The following SSUH2 variants were observed in gnomAD, a reference collection of about 807,000 sequenced individuals.
SSUH2 encodes the protein ssu-2 homolog, also known as protein SSUH2 homolog.
In SSUH2, 47 loss-of-function variants were observed where a neutral mutation model predicts 55.3. The ratio of observed to expected loss-of-function variants is 0.85; its 90% CI spans 0.67 to 1.08. SSUH2 has a LOEUF of 1.08. Ranked by LOEUF, SSUH2 falls within the 50% of genes least tolerant of loss-of-function variation. The probability of loss-of-function intolerance (pLI) is 0.00; values close to 1 mark genes in which losing one functional copy is unlikely to be tolerated. For synonymous variants in SSUH2, 212 were observed against 191.5 expected (o/e 1.11, Z -0.89); for missense variants, 535 against 490.7 (o/e 1.09, Z -0.85).
intron 1 of SSUH2, among the ~76,000 whole-genome samples, chr3:8,681,172 T>C (rs1157888638): frequency 6.4e-5 from 6 of 93,098 alleles, no homozygotes; most frequent in Non-Finnish European, 4.5e-5. Flanking sequence ...GGGGGGGGAG[T>C]CACCCCATGC....
chr3:8,637,349 C>CAT (rs1437744701), intron 1 of SSUH2, among the ~76,000 whole-genome samples: 1 of 152,190 alleles, frequency 6.6e-6, no homozygotes, highest in Non-Finnish European at 1.5e-5. Context: ...TCGGGTGTGA[C>CAT]ATAGATACAG....
intron 5 of SSUH2, among the ~76,000 whole-genome samples, chr3:8,665,948 T>C (rs967392046): frequency 6.6e-6 from 1 of 152,154 alleles, no homozygotes; most frequent in African/African-American, 2.4e-5. Context: ...GTTCACTACA[T>C]GTTTACTTGT....
intron 5 of SSUH2, among the ~76,000 whole-genome samples, chr3:8,666,010 T>TAA (rs1331659617): frequency 6.6e-6 from 1 of 152,216 alleles, no homozygotes; most frequent in African/African-American, 2.4e-5. Context: ...AAAGCCCACT[T>TAA]GATTAAGTTG....
At chr3:8,634,514 T>C (rs1699564043) in intron 3 of SSUH2, 4 of 1,289,614 alleles carry the variant, frequency 3.1e-6, no homozygotes, top group African/African-American at 1.5e-5. Flanking sequence ...TTCTGCACAC[T>C]TGTATCTCCA....
intron 3 of SSUH2, chr3:8,634,082 T>G: frequency 1.2e-6 from 1 of 865,194 alleles, no homozygotes; most frequent in Non-Finnish European, 1.7e-6. Context: ...AACACAACCT[T>G]AGAGAGGAAT....
At position 8,627,885 on chromosome 3, in the gene SSUH2, C is replaced by A; in HGVS notation, c.589-102G>T. ...AATCCCAGCCTGGTGACCTTCCTCC[C>A]CCTGGGCCTTAGCCCCTTCATCTGT... On this transcript the variant is annotated intron_variant, in intron 7 of 11. Transcript: ENST00000544814. 5.1e-6 allele frequency: 5 copies of A among 986,354 alleles called. No homozygotes were observed. In the Admixed American group the frequency reaches 1.1e-4, roughly 21 times the overall value. The allele number at this position is 986,354 out of a possible 1,614,324, so 61.1% of individuals were successfully genotyped here. A position where few individuals can be genotyped will look rare whatever the true frequency, so the allele number is the denominator to read the frequency against.
At chr3:8,641,004 G>C (rs1241242370) in intron 1 of SSUH2, among the ~76,000 whole-genome samples, 2 of 152,202 alleles carry the variant, frequency 1.3e-5, no homozygotes, top group African/African-American at 2.4e-5. Flanking sequence ...GTGCCCTGTG[G>C]CTTCATGATA....
At chr3:8,648,644 T>C (rs1055391973), upstream of SSUH2, among the ~76,000 whole-genome samples, 1 of 152,218 alleles carries the variant, frequency 6.6e-6, no homozygotes, top group African/African-American at 2.4e-5. Flanking sequence ...TCTGGTCTGC[T>C]GCTGCCCTGG....
intron 2 of SSUH2, among the ~76,000 whole-genome samples, chr3:8,678,908 C>CAT (rs1705685434): frequency 7.9e-5 from 9 of 114,614 alleles, no homozygotes; most frequent in East Asian, 2.2e-4. Flanking sequence ...AGGCACCCCC[C>CAT]GCCAGGCGGG....
chr3:8,639,193 C>T (rs1223404776), intron 1 of SSUH2, among the ~76,000 whole-genome samples: 1 of 152,164 alleles, frequency 6.6e-6, no homozygotes, highest in Non-Finnish European at 1.5e-5. Flanking sequence ...ACGGGGCACT[C>T]GGAAGGGGCC....
chr3:8,665,414 C>G (rs959293804), intron 5 of SSUH2, among the ~76,000 whole-genome samples: 27 of 152,162 alleles, frequency 1.8e-4, no homozygotes, highest in African/African-American at 6.0e-4. Flanking sequence ...TCTGTTGACA[C>G]AGGGAGAGGT....
At chr3:8,659,530 G>T in intron 6 of SSUH2, 1 of 302,090 alleles carries the variant, frequency 3.3e-6, no homozygotes, top group Middle Eastern at 8.0e-4. Context: ...GGACACCTCA[G>T]CAGAGGGGGC....
In SSUH2 at chr3:8,627,802, C is replaced by A; in HGVS notation, c.589-19G>T. 1 of 1,599,252 alleles carries A rather than the reference C, an allele frequency of 6.3e-7. No individual in the cohort carries two copies. On this transcript the variant is annotated intron_variant, in intron 7 of 11. Coordinates refer to ENST00000544814, the MANE Select transcript of SSUH2 (RefSeq NM_001256748.3). ...ACCGCACCTGCAGACACACCACTGCCTCAGCCCCCGCTGGCCTCCCAGGAA... is the reference window on the plus strand; with the variant it reads ...ACCGCACCTGCAGACACACCACTGCATCAGCCCCCGCTGGCCTCCCAGGAA...
At chr3:8,629,813 A>C in intron 6 of SSUH2, 87 bp from the exon 7 acceptor site, 1 of 1,288,902 alleles carries the variant, frequency 7.8e-7, no homozygotes, top group Non-Finnish European at 1.1e-6. Flanking sequence ...CCGAAGGTGG[A>C]GTGGATCAGG....
intron 7 of SSUH2, among the ~76,000 whole-genome samples, chr3:8,657,630 A>G (rs73125194): frequency 6.6e-5 from 10 of 152,196 alleles, no homozygotes; most frequent in African/African-American, 2.2e-4. Flanking sequence ...AAAAGAGTCA[A>G]GTACATGGAG....
At chr3:8,677,582 A>G (rs191880103) in intron 2 of SSUH2, among the ~76,000 whole-genome samples, 30 of 150,938 alleles carry the variant, frequency 2.0e-4, no homozygotes, top group Admixed American at 2.0e-3. Context: ...AGCCTTTTCC[A>G]TTGTATGCAT....
chr3:8,647,278 G>C (rs1374874294), upstream of SSUH2, among the ~76,000 whole-genome samples: 1 of 152,262 alleles, frequency 6.6e-6, no homozygotes, highest in Non-Finnish European at 1.5e-5. Context: ...TCCATGCGCA[G>C]GCATGCGGAG....
intron 5 of SSUH2, among the ~76,000 whole-genome samples, chr3:8,664,421 C>T (rs1375219676): frequency 6.6e-6 from 1 of 152,202 alleles, no homozygotes; most frequent in Non-Finnish European, 1.5e-5. Flanking sequence ...TGCTTGGAGG[C>T]CCCAATTTGG....
intron 5 of SSUH2, among the ~76,000 whole-genome samples, chr3:8,631,350 C>T (rs1166518385): frequency 1.3e-5 from 2 of 152,102 alleles, no homozygotes; most frequent in African/African-American, 4.8e-5. Flanking sequence ...CATCACCATC[C>T]CCTTCACCAT....
Sources: allele counts gnomAD v4.1 joint callset (sites outside exome capture counted in the v4.1 genomes callset), GRCh38; gene constraint gnomAD v4.1.1; transcripts MANE v1.5; gene names NCBI Gene and HGNC (gene_info 2026-07-23, HGNC 2026-07-21).